FBN2: variants seen among roughly 807,000 people sequenced by gnomAD.
FBN2 encodes the protein fibrillin 2.
A neutral mutation model predicts 355.6 loss-of-function variants in FBN2; 105 were observed. The observed-to-expected ratio is 0.30, with a 90% CI of 0.25 to 0.35. The LOEUF (loss-of-function observed/expected upper bound fraction) is 0.35. Among genes scored for constraint, FBN2 ranks in the 10% least tolerant of loss-of-function variants. The pLI is 1.00. For synonymous variants in FBN2, 1,350 were observed against 1,301.2 expected (o/e 1.04, Z -0.81); for missense variants, 3,280 against 3,758.7 (o/e 0.87, Z 3.33).
intron 8 of FBN2, among the ~76,000 whole-genome samples, chr5:128,404,104 C>T (rs1057511476): frequency 1.3e-5 from 2 of 152,184 alleles, no homozygotes; most frequent in Non-Finnish European, 2.9e-5. Flanking sequence ...GTTCATCCAA[C>T]TCTTTATTAG....
intron 5 of FBN2, among the ~76,000 whole-genome samples, chr5:128,485,521 G>T (rs1755314593): frequency 6.6e-6 from 1 of 151,996 alleles, no homozygotes; most frequent in Non-Finnish European, 1.5e-5. Flanking sequence ...AACAAGGGAA[G>T]ATCTCAAACT....
intron 23 of FBN2, among the ~76,000 whole-genome samples, chr5:128,346,302 T>C (rs1162476289): frequency 9.9e-5 from 15 of 152,244 alleles, no homozygotes; most frequent in Admixed American, 9.8e-4. Flanking sequence ...TGTTCATCTG[T>C]TAGCAAATAG....
At chr5:128,334,049 G>A (rs1049007593) in intron 31 of FBN2, among the ~76,000 whole-genome samples, 4 of 151,920 alleles carry the variant, frequency 2.6e-5, no homozygotes, top group African/African-American at 4.8e-5. Context: ...TGAGGAATAC[G>A]TGATCCAAAA....
intron 15 of FBN2, among the ~76,000 whole-genome samples, 196 bp downstream of exon 15, chr5:128,374,432 T>C (rs957895612): frequency 2.6e-5 from 4 of 152,270 alleles, no homozygotes; most frequent in African/African-American, 9.6e-5. Flanking sequence ...TCTGGAGATT[T>C]CATATGGATG....
At chr5:128,432,406 G>C (rs1323633824) in intron 7 of FBN2, among the ~76,000 whole-genome samples, 1 of 152,206 alleles carries the variant, frequency 6.6e-6, no homozygotes, top group African/African-American at 2.4e-5. Context: ...ACAGGAGTTG[G>C]CAAACTACAG....
chr5:128,422,967 T>C (rs1349089546), intron 7 of FBN2, among the ~76,000 whole-genome samples: 2 of 152,114 alleles, frequency 1.3e-5, no homozygotes, highest in East Asian at 3.9e-4. Flanking sequence ...CCACAAATAG[T>C]ATTGAAAAAC....
At chr5:128,439,593 T>C (rs1753863468) in intron 7 of FBN2, among the ~76,000 whole-genome samples, 1 of 152,160 alleles carries the variant, frequency 6.6e-6, no homozygotes, top group South Asian at 2.1e-4. Context: ...GATATTTTCT[T>C]ACTGATTTGT....
chr5:128,387,175 G>A (rs936964974), intron 11 of FBN2, among the ~76,000 whole-genome samples: 2 of 152,034 alleles, frequency 1.3e-5, no homozygotes, highest in Non-Finnish European at 2.9e-5. Context: ...CTTGGGAGAT[G>A]TTATGTTTCC....
intron 49 of FBN2, 73 bp from the exon 50 acceptor site, chr5:128,290,957 G>C: frequency 7.0e-7 from 1 of 1,424,240 alleles, no homozygotes; most frequent in South Asian, 1.2e-5. Context: ...TCTCATTGTA[G>C]AACACGGGAT....
chr5:128,464,519 C>T (rs534611213), intron 6 of FBN2, among the ~76,000 whole-genome samples: 175 of 152,288 alleles, frequency 1.1e-3, no homozygotes, highest in Non-Finnish European at 2.0e-3. Flanking sequence ...TCATCTCTTT[C>T]TCTTCTCCAT....
intron 36 of FBN2, among the ~76,000 whole-genome samples, chr5:128,313,871 A>C (rs1750128825): frequency 6.6e-6 from 1 of 151,222 alleles, no homozygotes; most frequent in African/African-American, 2.4e-5. Flanking sequence ...AAAAAAAAAA[A>C]AAAAACATAT....
At chr5:128,497,752 C>A (rs1347984757) in intron 5 of FBN2, among the ~76,000 whole-genome samples, 1 of 152,128 alleles carries the variant, frequency 6.6e-6, no homozygotes, top group Non-Finnish European at 1.5e-5. Context: ...ATAATTAACA[C>A]AAAATCTCCA....
intron 59 of FBN2, among the ~76,000 whole-genome samples, chr5:128,275,501 C>T (rs1233324680): frequency 6.6e-6 from 1 of 150,898 alleles, no homozygotes; most frequent in Non-Finnish European, 1.5e-5. Flanking sequence ...GAATAATCTA[C>T]ATTTTAAAAA....
intron 49 of FBN2, 57 bp downstream of exon 49, chr5:128,291,472 T>C (rs1197540163): frequency 1.9e-6 from 3 of 1,595,350 alleles, no homozygotes; most frequent in Non-Finnish European, 2.6e-6. Context: ...TGGTTTACAA[T>C]TCAGCTTTAA....
chr5:128,270,743 T>C (rs1039286815), intron 62 of FBN2, among the ~76,000 whole-genome samples: 2 of 152,178 alleles, frequency 1.3e-5, no homozygotes, highest in African/African-American at 4.8e-5. Context: ...ATTATTTTAA[T>C]AGCTATGTAA....
At chr5:128,427,488 G>A (rs1027758778) in intron 7 of FBN2, among the ~76,000 whole-genome samples, 4 of 152,100 alleles carry the variant, frequency 2.6e-5, no homozygotes, top group Non-Finnish European at 4.4e-5. Flanking sequence ...AACTCTGACC[G>A]CCATTCTTTC....
At chr5:128,427,029 A>G (rs1753501057) in intron 7 of FBN2, among the ~76,000 whole-genome samples, 1 of 152,164 alleles carries the variant, frequency 6.6e-6, no homozygotes, top group African/African-American at 2.4e-5. Flanking sequence ...TTCCAAATTT[A>G]TATTGCCAAC....
At chr5:128,472,503 T>C (rs1203434133) in intron 5 of FBN2, among the ~76,000 whole-genome samples, 1 of 152,094 alleles carries the variant, frequency 6.6e-6, no homozygotes, top group Admixed American at 6.6e-5. Context: ...TAAAAATGAT[T>C]ACGACAGGCT....
At chr5:128,403,845 G>A (rs377762206) in intron 8 of FBN2, among the ~76,000 whole-genome samples, 33 of 151,862 alleles carry the variant, frequency 2.2e-4, no homozygotes, top group African/African-American at 7.2e-4. Context: ...CAATGAAAGC[G>A]GAAAATTATC....
Sources: gnomAD v4.1 joint callset for allele counts (sites outside exome capture counted in the v4.1 genomes callset) on GRCh38, gnomAD v4.1.1 for gene constraint, MANE v1.5 for transcripts, NCBI Gene and HGNC (gene_info 2026-07-23, HGNC 2026-07-21) for gene names.